The following PHACTR4 variants were observed in gnomAD, a reference collection of about 807,000 sequenced individuals.
PHACTR4 encodes the protein protein phosphatase 1, regulatory subunit 124.
In PHACTR4, 51 loss-of-function variants were observed where a neutral mutation model predicts 72.7. That is an observed-to-expected ratio of 0.70 (90% confidence interval 0.56 to 0.89). The LOEUF (loss-of-function observed/expected upper bound fraction) is 0.89, where lower values mean the gene tolerates loss of function less well. PHACTR4 is among the 40% of genes least tolerant of loss of function. The pLI is 0.00. For synonymous variants in PHACTR4, 255 were observed against 302.5 expected (o/e 0.84, Z 1.63); for missense variants, 731 against 861.8 (o/e 0.85, Z 1.90).
chr1:28,476,350 G>A, intron 8 of PHACTR4, 59 bp downstream of exon 8: 1 of 1,462,388 alleles, frequency 6.8e-7, no homozygotes, highest in Non-Finnish European at 9.1e-7. Context: ...ACTATTTGCT[G>A]ATCTTAGCAA....
chr1:28,470,462 G>T (rs1035670217), intron 6 of PHACTR4, among the ~76,000 whole-genome samples: 11 of 152,042 alleles, frequency 7.2e-5, no homozygotes, highest in African/African-American at 2.7e-4. Flanking sequence ...GGCTGAGGCA[G>T]GTAGATTACC....
chr1:28,480,581 C>G lies in PHACTR4; in HGVS notation c.1737C>G (p.His579Gln), dbSNP rs1189541478. The stretch of plus-strand genomic sequence containing the variant: ...AGGAGGAGTGGAATGAAATACGGCA[C>G]CAGATTGGAAACACACTGATCCGGT... ...KSKEEWNEIR[H>Q]QIGNTLIRRL... Residue 579 changes from histidine (H) to glutamine (Q), a missense_variant, in exon 9 of 14, where the codon CAC (histidine) becomes CAG (glutamine). Coordinates refer to ENST00000373839, the MANE Select transcript of PHACTR4 (RefSeq NM_001048183.3). 2 of 1,614,102 alleles carry G rather than the reference C, an allele frequency of 1.2e-6. No individual in the cohort carries two copies. The highest frequency in any genetic ancestry group is 1.7e-6 in the Non-Finnish European group (2 of 1,180,028).
At chr1:28,431,949 G>A (rs1316214976) in intron 2 of PHACTR4, among the ~76,000 whole-genome samples, 2 of 152,140 alleles carry the variant, frequency 1.3e-5, no homozygotes, top group Admixed American at 6.6e-5. Flanking sequence ...AGTGGCTCAC[G>A]CCTGTAATCC....
intron 2 of PHACTR4, among the ~76,000 whole-genome samples, chr1:28,440,697 A>G (rs1378491868): frequency 6.6e-6 from 1 of 152,074 alleles, no homozygotes; most frequent in African/African-American, 2.4e-5. Context: ...GTTTTCATGG[A>G]CTGACTCCAT....
chr1:28,466,730 C>T lies in PHACTR4; in HGVS notation c.785C>T (p.Pro262Leu), dbSNP rs1256812956. The T allele has an allele frequency of 3.1e-6, 5 of 1,613,126 alleles. No homozygotes were observed. The highest frequency in any genetic ancestry group is 2.2e-5 in the East Asian group (1 of 44,884). Residue 262 changes from proline to leucine, a missense_variant, in exon 6 of 14, where the codon CCC becomes CTC. This residue lies in a region of PHACTR4 where 621 missense variants were observed against 676.6 expected (regional missense o/e 0.92). Transcript: ENST00000373839. ...CCTGCCAAGCAGCCCCCTATCCCTC[C>T]CCCTAAACCAGCTCACAGAAATAGC... The part of the protein sequence containing the change: ...MVPAKQPPIP[P>L]PKPAHRNSNP...
rs1401947980 is a variant in PHACTR4 at position 28,448,401 on chromosome 1, AGAAAG to A, written c.17-10672_17-10668del. 1.1e-4 allele frequency among the ~76,000 whole-genome samples: 16 copies of A among 149,270 alleles called. No individual in the cohort carries two copies. In the East Asian group the frequency reaches 1.8e-3, roughly 16 times the overall value. On this transcript the variant is annotated intron_variant, in intron 2 of 13. Transcript: ENST00000373839. ...TTGTTTCAAAAAAAAAGAAAAGAAA[AGAAAG>A]GAAAGGAAAGGGGAAAGGAAAAAGG...
At chr1:28,460,015 A>G (rs557736734) in intron 3 of PHACTR4, among the ~76,000 whole-genome samples, 197 bp from the exon 4 acceptor site, 1 of 152,340 alleles carries the variant, frequency 6.6e-6, no homozygotes, top group Admixed American at 6.5e-5. Context: ...GTTTTTTGGA[A>G]GTGATGCTTT....
intron 13 of PHACTR4, among the ~76,000 whole-genome samples, chr1:28,493,636 C>T (rs1353074881): frequency 1.3e-5 from 2 of 151,948 alleles, no homozygotes; most frequent in African/African-American, 4.8e-5. Flanking sequence ...TGTTAACATC[C>T]CCATTTTATC....
At chr1:28,487,181 A>G (rs1194004361) in intron 9 of PHACTR4, among the ~76,000 whole-genome samples, 1 of 151,928 alleles carries the variant, frequency 6.6e-6, no homozygotes, top group Non-Finnish European at 1.5e-5. Context: ...CCTGGCTAAC[A>G]CGGTGAAACG....
intron 9 of PHACTR4, among the ~76,000 whole-genome samples, chr1:28,482,343 TCA>T (rs1467296899): frequency 1.3e-5 from 2 of 152,180 alleles, no homozygotes; most frequent in Non-Finnish European, 2.9e-5. Flanking sequence ...CAATTAACAG[TCA>T]CACCCATATT....
intron 1 of PHACTR4, among the ~76,000 whole-genome samples, chr1:28,386,278 G>C (rs932787853): frequency 2.6e-5 from 4 of 151,926 alleles, no homozygotes; most frequent in Non-Finnish European, 4.4e-5. Flanking sequence ...ACTTTTAGTA[G>C]AGACAGGGTT....
chr1:28,370,220 G>A lies in PHACTR4; in HGVS notation c.-39+395G>A, dbSNP rs183483251. 3.2e-3 allele frequency among the ~76,000 whole-genome samples: 486 copies of A among 152,260 alleles called. 2 individuals carry two copies. The highest frequency in any genetic ancestry group is 0.011 in the African/African-American group (461 of 41,552). ...GGGATCCGGTTACAGTAACCGGATC[G>A]GGTCAAAGTACATTTTTCAAAACCG... On this transcript the variant is annotated intron_variant, in intron 1 of 13. Transcript: ENST00000373839.
chr1:28,432,671 A>G (rs1420963629), intron 2 of PHACTR4, among the ~76,000 whole-genome samples: 1 of 152,110 alleles, frequency 6.6e-6, no homozygotes, highest in African/African-American at 2.4e-5. Flanking sequence ...GGCTCTCATT[A>G]GAGGGCTTTA....
intron 4 of PHACTR4, among the ~76,000 whole-genome samples, chr1:28,461,853 CT>C (rs1199914289): frequency 3.0e-3 from 417 of 141,264 alleles, no homozygotes; most frequent in East Asian, 0.012. Context: ...TTCTTTCTTT[CT>C]TTTTTTTTTT....
In PHACTR4 at chr1:28,446,929, C is replaced by T. The variant is rs560670226; in HGVS notation, c.17-12156C>T. Among the ~76,000 whole-genome samples, 3 of 152,238 alleles carry T rather than the reference C, an allele frequency of 2.0e-5. No homozygotes were observed. The East Asian group carries it at 5.8e-4, about 29-fold the overall frequency. On this transcript the variant is annotated intron_variant, in intron 2 of 13. Transcript: ENST00000373839. ...CCAGGCAGATACTAGCATCATTCTT[C>T]CTATACAGACTGCAGAAACATGAGC...
At chr1:28,447,084 C>T (rs933735953) in intron 2 of PHACTR4, among the ~76,000 whole-genome samples, 1 of 150,476 alleles carries the variant, frequency 6.6e-6, no homozygotes, top group Non-Finnish European at 1.5e-5. Flanking sequence ...GATCTCAGCT[C>T]ACTGCAACCT....
intron 2 of PHACTR4, among the ~76,000 whole-genome samples, chr1:28,411,833 A>G (rs924078765): frequency 6.6e-6 from 1 of 152,018 alleles, no homozygotes. Context: ...GGAAAAAAAG[A>G]AAACAGAAAC....
intron 2 of PHACTR4, among the ~76,000 whole-genome samples, chr1:28,449,127 A>C (rs1339544396): frequency 6.6e-6 from 1 of 152,082 alleles, no homozygotes; most frequent in Non-Finnish European, 1.5e-5. Context: ...TGGGTGAAAG[A>C]GTGAGACACT....
chr1:28,464,518 C>T (rs1659016423), intron 4 of PHACTR4, among the ~76,000 whole-genome samples: 1 of 152,094 alleles, frequency 6.6e-6, no homozygotes, highest in Admixed American at 6.5e-5. Context: ...GTTCAAGGCC[C>T]ATTCTGGTAA....
Sources: allele counts gnomAD v4.1 joint callset (sites outside exome capture counted in the v4.1 genomes callset), GRCh38; gene constraint gnomAD v4.1.1; regional missense constraint gnomAD v4.1.1; transcripts MANE v1.5; gene names NCBI Gene and HGNC (gene_info 2026-07-23, HGNC 2026-07-21).